The following KMT2E variants were observed in gnomAD, a reference collection of about 807,000 sequenced individuals.
The protein encoded by KMT2E is lysine methyltransferase 2E (inactive).
A neutral mutation model predicts 184.6 loss-of-function variants in KMT2E; 30 were observed. The observed-to-expected ratio is 0.16, with a 90% CI of 0.12 to 0.22. KMT2E has a LOEUF of 0.22. KMT2E is among the 10% of genes least tolerant of loss of function. The pLI is 1.00. For missense variants in KMT2E, 2,023 were observed against 2,237.4 expected (o/e 0.90, Z 1.93); for synonymous variants, 815 against 776.5 (o/e 1.05, Z -0.82).
intron 9 of KMT2E, among the ~76,000 whole-genome samples, chr7:105,076,306 T>C (rs1255075621): frequency 1.3e-5 from 2 of 152,262 alleles, no homozygotes; most frequent in East Asian, 3.8e-4. Context: ...AAGCAATTTC[T>C]AATTTTATAA....
intron 1 of KMT2E, among the ~76,000 whole-genome samples, chr7:105,035,281 C>T (rs545425419): frequency 1.4e-3 from 207 of 152,026 alleles, no homozygotes; most frequent in Middle Eastern, 0.01. Context: ...ATCTGCCTGC[C>T]TTGGCCTCCC....
intron 13 of KMT2E, among the ~76,000 whole-genome samples, chr7:105,088,122 A>G (rs1798059525): frequency 1.3e-5 from 2 of 152,138 alleles, no homozygotes; most frequent in Non-Finnish European, 2.9e-5. Context: ...TACATATCCC[A>G]TAGAGGTTAA....
intron 13 of KMT2E, 125 bp downstream of exon 13, chr7:105,081,922 G>A: frequency 3.9e-6 from 2 of 509,296 alleles, no homozygotes. Context: ...TCAGTTAAAA[G>A]TACTTGAAAA....
intron 1 of KMT2E, among the ~76,000 whole-genome samples, chr7:105,015,527 T>C (rs1320587188): frequency 6.6e-6 from 1 of 152,206 alleles, no homozygotes; most frequent in Non-Finnish European, 1.5e-5. Flanking sequence ...TCTGGAGACC[T>C]TGGAGAGAAT....
At chr7:105,039,027 T>TA (rs1350383461) in intron 2 of KMT2E, 1 of 152,186 alleles carries the variant, frequency 6.6e-6, no homozygotes. Context: ...GAAAGGCAGT[T>TA]ATGGGGATGT....
At chr7:105,051,863 A>G (rs1317768747) in intron 3 of KMT2E, among the ~76,000 whole-genome samples, 2 of 152,166 alleles carry the variant, frequency 1.3e-5, no homozygotes, top group Non-Finnish European at 2.9e-5. Flanking sequence ...TGCTGGGATT[A>G]TAGGCATGAA....
At chr7:105,029,207 G>GT (rs1469600680) in intron 1 of KMT2E, among the ~76,000 whole-genome samples, 1 of 152,012 alleles carries the variant, frequency 6.6e-6, no homozygotes, top group Non-Finnish European at 1.5e-5. Context: ...AGGTTGCAGT[G>GT]AGCTGAGATC....
chr7:105,048,838 C>T (rs1796212972), intron 3 of KMT2E, among the ~76,000 whole-genome samples: 3 of 152,138 alleles, frequency 2.0e-5, no homozygotes, highest in Admixed American at 2.0e-4. Context: ...TGGATTTGAC[C>T]CAGGGTTCTA....
Position 105,113,525 on chromosome 7 carries a change from G to GT in KMT2E, c.*193dup. 1.8e-6 allele frequency: 1 copy of GT among 544,830 alleles called. No homozygotes were observed. Among genetic ancestry groups the GT allele is most frequent in the African/African-American group, 1.9e-5 (1 of 51,608 alleles). 33.7% of individuals were successfully genotyped at this position (544,830 alleles called of 1,614,324 possible). The stretch of plus-strand genomic sequence containing the variant: ...AAATGTGCTGTTAAGCCAGTATTAG[G>GT]TATCTTTATTTTGTAAGTGAACATT... On this transcript the variant is annotated 3_prime_UTR_variant, in exon 27 of 27. Coordinates refer to ENST00000311117, the MANE Select transcript of KMT2E (RefSeq NM_182931.3).
rs1365428130 is a variant in KMT2E, at chr7:105,076,969, G to C, written c.775G>C (p.Ala259Pro). Reference sequence around the variant, plus strand: ...GCTCAGTTTATGATTTTAGGGTTCAGCTCCAGAGATTGATCCTTCATCTGA... The same window carrying C: ...GCTCAGTTTATGATTTTAGGGTTCACCTCCAGAGATTGATCCTTCATCTGA... ...SRKSSRVKGS[A>P]PEIDPSSDGS... The change falls in exon 10 of 27, where the codon GCT (alanine) becomes CCT (proline). Residue 259 changes from alanine to proline, a missense_variant. Ala to Pro is a conservative substitution (Grantham distance 27). This residue lies in a region of KMT2E where 191 missense variants were observed against 209.0 expected (regional missense o/e 0.91). Coordinates refer to ENST00000311117, the MANE Select transcript of KMT2E (RefSeq NM_182931.3). The C allele has an allele frequency of 6.2e-7, 1 of 1,610,474 alleles. No homozygotes were observed. Among genetic ancestry groups the C allele is most frequent in the East Asian group, 2.2e-5 (1 of 44,730 alleles).
intron 3 of KMT2E, among the ~76,000 whole-genome samples, chr7:105,041,310 C>A (rs1039774827): frequency 2.0e-5 from 3 of 151,946 alleles, no homozygotes; most frequent in Non-Finnish European, 2.9e-5. Flanking sequence ...CATTTTTTAC[C>A]AACTGTATTT....
At chr7:105,089,644 A>C (rs977587220) in intron 13 of KMT2E, among the ~76,000 whole-genome samples, 3 of 152,206 alleles carry the variant, frequency 2.0e-5, no homozygotes. Context: ...ATGAAACATG[A>C]GTGAATTTTG....
At chr7:105,033,149 G>A (rs932418298) in intron 1 of KMT2E, among the ~76,000 whole-genome samples, 4 of 152,178 alleles carry the variant, frequency 2.6e-5, no homozygotes, top group African/African-American at 9.7e-5. Flanking sequence ...AGCACTTCAA[G>A]TGGACACTAA....
intron 1 of KMT2E, among the ~76,000 whole-genome samples, chr7:105,035,160 G>GAC (rs1237363686): frequency 1.3e-5 from 2 of 151,540 alleles, no homozygotes; most frequent in African/African-American, 4.9e-5. Flanking sequence ...AAGTAGCTGG[G>GAC]ACTACAGGCG....
chr7:105,030,968 C>T (rs1795387177), intron 1 of KMT2E, among the ~76,000 whole-genome samples: 2 of 152,092 alleles, frequency 1.3e-5, no homozygotes, highest in South Asian at 4.1e-4. Context: ...CTCAAGTTTT[C>T]TAGTATGAAA....
chr7:105,092,265 A>C (rs963716945), intron 15 of KMT2E, among the ~76,000 whole-genome samples: 2 of 152,120 alleles, frequency 1.3e-5, no homozygotes, highest in African/African-American at 4.8e-5. Flanking sequence ...AAAATACAAA[A>C]ATTAGCCAGG....
intron 1 of KMT2E, among the ~76,000 whole-genome samples, chr7:105,031,218 C>A (rs573495116): frequency 6.6e-6 from 1 of 150,846 alleles, no homozygotes; most frequent in Non-Finnish European, 1.5e-5. Flanking sequence ...ATTATCCAGG[C>A]GTGGTGGCAG....
intron 15 of KMT2E, 115 bp downstream of exon 15, chr7:105,091,429 A>G: frequency 1.4e-6 from 1 of 711,076 alleles, no homozygotes; most frequent in South Asian, 1.6e-5. Flanking sequence ...ATGATGTGCC[A>G]TTGAGCATTT....
At chr7:105,022,498 A>G (rs541407825) in intron 1 of KMT2E, among the ~76,000 whole-genome samples, 2 of 151,874 alleles carry the variant, frequency 1.3e-5, no homozygotes, top group African/African-American at 4.8e-5. Flanking sequence ...TTTGCCCTTT[A>G]CTATTATGTT....
Sources: allele counts gnomAD v4.1 joint callset (sites outside exome capture counted in the v4.1 genomes callset), GRCh38; gene constraint gnomAD v4.1.1; regional missense constraint gnomAD v4.1.1; transcripts MANE v1.5; gene names NCBI Gene and HGNC (gene_info 2026-07-23, HGNC 2026-07-21).